Variants in MYOF observed in about 807,000 individuals in gnomAD.
MYOF encodes myoferlin.
In MYOF, 244 loss-of-function variants were observed where a neutral mutation model predicts 284.2. The observed-to-expected ratio is 0.86, with a 90% CI of 0.77 to 0.95. The LOEUF (loss-of-function observed/expected upper bound fraction) is 0.95. Ranked by LOEUF, MYOF falls within the 40% of genes least tolerant of loss-of-function variation. MYOF has a pLI of 0.00. For synonymous variants in MYOF, 904 were observed against 919.7 expected (o/e 0.98, Z 0.31); for missense variants, 2,496 against 2,560.6 (o/e 0.97, Z 0.54).
At chr10:93,374,641 T>C in intron 23 of MYOF, 122 bp downstream of exon 23, 3 of 985,626 alleles carry the variant, frequency 3.0e-6, no homozygotes, top group Non-Finnish European at 4.4e-6. Context: ...TTACAATCTG[T>C]CAGAGCTGCT....
At chr10:93,444,366 C>G (rs575936285) in intron 3 of MYOF, among the ~76,000 whole-genome samples, 2 of 152,172 alleles carry the variant, frequency 1.3e-5, no homozygotes, top group Non-Finnish European at 2.9e-5. Context: ...AGAGAGAGAA[C>G]AAATGAATAA....
chr10:93,339,358 GCTT>G (rs1843768837), intron 39 of MYOF, among the ~76,000 whole-genome samples: 2 of 102,338 alleles, frequency 2.0e-5, no homozygotes, highest in Non-Finnish European at 4.2e-5. Flanking sequence ...TACATTATAT[GCTT>G]CTTATTTGTG....
chr10:93,373,185 A>G (rs1845670393), intron 23 of MYOF, 100 bp from the exon 24 acceptor site: 1 of 1,394,072 alleles, frequency 7.2e-7, no homozygotes, highest in Non-Finnish European at 1.0e-6. Context: ...GGATTCATTT[A>G]GCAAAGAAAC....
In MYOF at chr10:93,454,028, C is replaced by T. The variant is rs571458556; in HGVS notation, c.145-1887G>A. Among the ~76,000 whole-genome samples, 7 of 152,050 alleles carry T rather than the reference C, an allele frequency of 4.6e-5. No homozygotes were observed. The South Asian group carries it at 1.5e-3, about 32-fold the overall frequency. On this transcript the variant is annotated intron_variant, in intron 2 of 53. Transcript: ENST00000359263. ...TGAAATCCCATCTCTACTAAAAATA[C>T]AAAATTAGCCAGGCGTAGTGGCATA...
intron 24 of MYOF, among the ~76,000 whole-genome samples, chr10:93,372,299 G>A (rs1416969820): frequency 6.6e-6 from 1 of 152,116 alleles, no homozygotes; most frequent in African/African-American, 2.4e-5. Flanking sequence ...TACACACACA[G>A]AGTTCTTAAT....
At chr10:93,390,562 A>G (rs937681463) in intron 17 of MYOF, among the ~76,000 whole-genome samples, 1 of 152,242 alleles carries the variant, frequency 6.6e-6, no homozygotes, top group Non-Finnish European at 1.5e-5. Context: ...ATCATCTTCA[A>G]GACAGATAAA....
chr10:93,408,228 T>C (rs1462196087), intron 7 of MYOF, among the ~76,000 whole-genome samples: 1 of 152,118 alleles, frequency 6.6e-6, no homozygotes, highest in Non-Finnish European at 1.5e-5. Context: ...AGATATCTTT[T>C]AGATTGTCCC....
At chr10:93,381,124 T>C in intron 20 of MYOF, 95 bp downstream of exon 20, 1 of 1,342,494 alleles carries the variant, frequency 7.4e-7, no homozygotes, top group African/African-American at 1.4e-5. Context: ...ATAGGCTGCG[T>C]AGAACAGTGC....
intron 45 of MYOF, among the ~76,000 whole-genome samples, chr10:93,328,094 C>T (rs1211666719): frequency 6.6e-6 from 1 of 152,072 alleles, no homozygotes. Context: ...TTTACAATGT[C>T]ACGAATCAAG....
intron 7 of MYOF, among the ~76,000 whole-genome samples, chr10:93,404,524 G>C (rs1045890710): frequency 3.3e-5 from 5 of 151,688 alleles, no homozygotes; most frequent in African/African-American, 1.2e-4. Flanking sequence ...AAGATCCAAA[G>C]CTAAGCAGGT....
chr10:93,410,131 T>C (rs999627945), intron 5 of MYOF, among the ~76,000 whole-genome samples: 7 of 152,158 alleles, frequency 4.6e-5, no homozygotes, highest in Non-Finnish European at 1.0e-4. Flanking sequence ...ACTCCATCCC[T>C]CCCACTGCAG....
At chr10:93,354,232 G>A (rs1329573424) in intron 31 of MYOF, among the ~76,000 whole-genome samples, 1 of 152,056 alleles carries the variant, frequency 6.6e-6, no homozygotes, top group Non-Finnish European at 1.5e-5. Flanking sequence ...TCAAAAATTA[G>A]CTGGGCATGG....
chr10:93,391,245 A>C (rs560276747), intron 17 of MYOF, among the ~76,000 whole-genome samples: 16 of 152,356 alleles, frequency 1.1e-4, no homozygotes, highest in African/African-American at 3.8e-4. Context: ...GTGCATTAAC[A>C]GAAGGAACTC....
intron 26 of MYOF, among the ~76,000 whole-genome samples, chr10:93,364,298 C>T (rs145973460): frequency 6.6e-6 from 1 of 152,332 alleles, no homozygotes; most frequent in Non-Finnish European, 1.5e-5. Context: ...TCATAAAGAA[C>T]TCCTCAAATT....
chr10:93,343,732 T>C (rs1321518701), intron 38 of MYOF, 124 bp downstream of exon 38: 5 of 976,408 alleles, frequency 5.1e-6, no homozygotes, highest in Non-Finnish European at 6.4e-6. Flanking sequence ...CAGTCCTCAA[T>C]AAATGGATTG....
chr10:93,315,414 C>T (rs1045272712), intron 50 of MYOF, among the ~76,000 whole-genome samples: 16 of 151,772 alleles, frequency 1.1e-4, no homozygotes, highest in African/African-American at 3.1e-4. Context: ...GCTGGCGGGG[C>T]GTGGGGAGAA....
chr10:93,434,632 T>C (rs1257653566), intron 3 of MYOF, among the ~76,000 whole-genome samples: 1 of 152,158 alleles, frequency 6.6e-6, no homozygotes, highest in African/African-American at 2.4e-5. Flanking sequence ...ACATTTAACT[T>C]CTACATGTTA....
chr10:93,411,277 G>T (rs551451658), intron 5 of MYOF, among the ~76,000 whole-genome samples: 4 of 152,166 alleles, frequency 2.6e-5, no homozygotes, highest in Non-Finnish European at 1.5e-5. Context: ...CAAGATCAAG[G>T]CACCGGCGGA....
At chr10:93,314,378 T>C (rs787670) in intron 50 of MYOF, among the ~76,000 whole-genome samples, 129,389 of 152,178 alleles carry the variant, frequency 0.85, 55,097 homozygotes, top group East Asian at 0.91. Context: ...CATGACCCAC[T>C]GTGCCCGGCC....
Sources: allele counts gnomAD v4.1 joint callset (sites outside exome capture counted in the v4.1 genomes callset), GRCh38; gene constraint gnomAD v4.1.1; transcripts MANE v1.5; gene names NCBI Gene and HGNC (gene_info 2026-07-23, HGNC 2026-07-21).